LARGE1: variants seen among roughly 807,000 people sequenced by gnomAD.
LARGE1 encodes LARGE xylosyl- and glucuronyltransferase 1.
In LARGE1, 43 loss-of-function variants were observed where a neutral mutation model predicts 87.6. The ratio of observed to expected loss-of-function variants is 0.49; its 90% CI spans 0.38 to 0.63. The LOEUF (loss-of-function observed/expected upper bound fraction) is 0.63, where lower values mean the gene tolerates loss of function less well. LARGE1 is among the 30% of genes least tolerant of loss of function. LARGE1 has a pLI of 0.00. For missense variants in LARGE1, 802 were observed against 1,000.2 expected (o/e 0.80, Z 2.67); for synonymous variants, 434 against 394.6 (o/e 1.10, Z -1.18).
Position 33,234,338 on chromosome 22 carries a change from G to A in LARGE1, c.1731-67506C>T, listed in dbSNP as rs73885016. Among the ~76,000 whole-genome samples the A allele has an allele frequency of 7.4e-3, 1,131 of 152,164 alleles. 2 individuals carry two copies. The highest frequency in any genetic ancestry group is 0.027 in the Middle Eastern group (8 of 294). Reference sequence around the variant, plus strand: ...ATTGGCATATGCCTATCTTCAAAGGGAACAATCCTACCTGTCATGTGTCTG... The same window carrying A: ...ATTGGCATATGCCTATCTTCAAAGGAAACAATCCTACCTGTCATGTGTCTG... On this transcript the variant is annotated intron_variant, in intron 11 of 11. Transcript: ENST00000608642.
chr22:33,861,006 G>T (rs533063754), intron 1 of LARGE1, among the ~76,000 whole-genome samples: 1 of 152,298 alleles, frequency 6.6e-6, no homozygotes, highest in Admixed American at 6.5e-5. Context: ...TCGCTAGAGA[G>T]ATTTCAACCC....
chr22:33,902,758 C>A (rs2065319780), intron 1 of LARGE1, among the ~76,000 whole-genome samples: 1 of 152,158 alleles, frequency 6.6e-6, no homozygotes, highest in Non-Finnish European at 1.5e-5. Flanking sequence ...TGAATTACAT[C>A]CCCTCCCCCA....
intron 6 of LARGE1, among the ~76,000 whole-genome samples, chr22:33,465,789 T>A (rs901210859): frequency 1.3e-5 from 2 of 152,220 alleles, no homozygotes; most frequent in Non-Finnish European, 2.9e-5. Context: ...GACTCCATCC[T>A]CCTAGTGTGG....
intron 12 of LARGE1, among the ~76,000 whole-genome samples, chr22:33,285,100 C>G (rs921500168): frequency 6.6e-6 from 1 of 152,196 alleles, no homozygotes; most frequent in Non-Finnish European, 1.5e-5. Context: ...GTCACTATTA[C>G]ACTGCAGTGC....
At chr22:33,176,075 T>C (rs1361990455) in intron 11 of LARGE1, among the ~76,000 whole-genome samples, 1 of 152,152 alleles carries the variant, frequency 6.6e-6, no homozygotes, top group East Asian at 1.9e-4. Context: ...ATTTAATAAA[T>C]GATGCTGGGA....
At chr22:33,680,591 A>G (rs1025026262) in intron 2 of LARGE1, among the ~76,000 whole-genome samples, 1 of 152,144 alleles carries the variant, frequency 6.6e-6, no homozygotes, top group Non-Finnish European at 1.5e-5. Context: ...GTGAAAAACA[A>G]CCTCAACAGT....
intron 3 of LARGE1, among the ~76,000 whole-genome samples, chr22:33,631,106 G>C (rs563234995): frequency 6.6e-6 from 1 of 152,234 alleles, no homozygotes; most frequent in South Asian, 2.1e-4. Flanking sequence ...ACCCGCCTCA[G>C]CCTCCCAAAG....
intron 6 of LARGE1, among the ~76,000 whole-genome samples, chr22:33,518,854 T>C (rs1016338288): frequency 6.6e-6 from 1 of 152,102 alleles, no homozygotes; most frequent in Non-Finnish European, 1.5e-5. Flanking sequence ...GATCACATCC[T>C]GACATACATC....
At chr22:33,806,733 C>T (rs573795266) in intron 1 of LARGE1, among the ~76,000 whole-genome samples, 2 of 152,114 alleles carry the variant, frequency 1.3e-5, no homozygotes, top group South Asian at 4.1e-4. Context: ...CTTCCTTGGC[C>T]GGGCGTGATG....
intron 1 of LARGE1, among the ~76,000 whole-genome samples, chr22:33,875,171 T>C (rs2064425381): frequency 6.6e-6 from 1 of 152,226 alleles, no homozygotes; most frequent in Non-Finnish European, 1.5e-5. Context: ...TTATTCTGGC[T>C]TTTGAATTAA....
the LARGE1 span, among the ~76,000 whole-genome samples, chr22:33,107,280 C>G: frequency 2.5e-4 from 35 of 142,760 alleles, no homozygotes; most frequent in Non-Finnish European, 4.9e-4. Context: ...TTCCAAATAT[C>G]ACACTGCATG....
At chr22:33,805,455 C>A (rs1043359992) in intron 1 of LARGE1, among the ~76,000 whole-genome samples, 1 of 152,102 alleles carries the variant, frequency 6.6e-6, no homozygotes, top group African/African-American at 2.4e-5. Context: ...CAACCCTGGT[C>A]GGGCACGGTG....
intron 2 of LARGE1, among the ~76,000 whole-genome samples, chr22:33,740,896 G>A (rs2083857634): frequency 6.6e-6 from 1 of 152,170 alleles, no homozygotes; most frequent in South Asian, 2.1e-4. Context: ...CAGGATTCCC[G>A]ACTCTCCAAA....
the LARGE1 span, among the ~76,000 whole-genome samples, chr22:33,119,236 A>C: frequency 6.6e-6 from 1 of 152,214 alleles, no homozygotes; most frequent in Non-Finnish European, 1.5e-5. Flanking sequence ...CTTAGCTGTG[A>C]AGGAAGGTCC....
chr22:33,824,939 G>A (rs2062737317), intron 1 of LARGE1, among the ~76,000 whole-genome samples: 1 of 152,156 alleles, frequency 6.6e-6, no homozygotes, highest in Non-Finnish European at 1.5e-5. Context: ...GTCAGCAAGG[G>A]CCAAGTATAA....
intron 9 of LARGE1, among the ~76,000 whole-genome samples, chr22:33,346,065 CAAA>C (rs1345486629): frequency 2.0e-5 from 3 of 152,182 alleles, no homozygotes; most frequent in African/African-American, 7.2e-5. Context: ...AGGCCTGATG[CAAA>C]CTGCCTCCCA....
At chr22:33,426,794 C>A (rs1442663592) in intron 7 of LARGE1, among the ~76,000 whole-genome samples, 1 of 152,114 alleles carries the variant, frequency 6.6e-6, no homozygotes, top group East Asian at 1.9e-4. Flanking sequence ...CTGTCTCTGC[C>A]CTAATTTGGG....
intron 1 of LARGE1, among the ~76,000 whole-genome samples, chr22:33,766,575 G>T (rs542036874): frequency 5.3e-4 from 80 of 152,022 alleles, no homozygotes; most frequent in Admixed American, 4.6e-4. Context: ...CAGGTGCCAG[G>T]CACCACGTCC....
intron 1 of LARGE1, among the ~76,000 whole-genome samples, chr22:33,890,384 T>C (rs1345742797): frequency 1.3e-5 from 2 of 151,982 alleles, no homozygotes; most frequent in Non-Finnish European, 2.9e-5. Context: ...TAGTTGGTGC[T>C]TAAAAAAAAA....
Sources: allele counts gnomAD v4.1 joint callset (sites outside exome capture counted in the v4.1 genomes callset), GRCh38; gene constraint gnomAD v4.1.1; transcripts MANE v1.5; gene names NCBI Gene and HGNC (gene_info 2026-07-23, HGNC 2026-07-21).